MATK: variants seen among roughly 807,000 people sequenced by gnomAD.
MATK encodes the protein megakaryocyte-associated tyrosine-protein kinase.
A neutral mutation model predicts 59.8 loss-of-function variants in MATK; 41 were observed. The ratio of observed to expected loss-of-function variants is 0.69; its 90% CI spans 0.53 to 0.89. The LOEUF is 0.89. MATK is among the 40% of genes least tolerant of loss of function. MATK has a pLI of 0.00. For synonymous variants in MATK, 308 were observed against 306.1 expected (o/e 1.01, Z -0.06); for missense variants, 593 against 719.6 (o/e 0.82, Z 2.01).
At chr19:3,797,419 C>T (rs1386353305) in intron 1 of MATK, among the ~76,000 whole-genome samples, 1 of 151,662 alleles carries the variant, frequency 6.6e-6, no homozygotes, top group African/African-American at 2.4e-5. Context: ...GCCTCAGCCT[C>T]CCAAGTAGCT....
At chr19:3,800,213 A>G (rs2037630681) in intron 1 of MATK, among the ~76,000 whole-genome samples, 1 of 152,248 alleles carries the variant, frequency 6.6e-6, no homozygotes, top group African/African-American at 2.4e-5. Context: ...GAAGAATTAA[A>G]TTAGATAATA....
chr19:3,785,544 C>A, intron 1 of MATK: 1 of 288,000 alleles, frequency 3.5e-6, no homozygotes, highest in Non-Finnish European at 6.8e-6. Context: ...GTGGGCGGTG[C>A]TGGGGGGTGA....
chr19:3,779,434 A>G lies in MATK; in HGVS notation c.945T>C (p.Phe315=), dbSNP rs1182431217. ...CGAGGGCTCGACCCCGGGTCCGCAG[A>G]AAGTTCACCAGGTTGCCCTGTTGGG... ...EHVSKGNLVN[F]LRTRGRALVN... is the part of the protein sequence containing the mutation. The change falls in exon 11 of 14, where the codon TTT becomes TTC. Residue 315 remains phenylalanine (F), a synonymous_variant. Transcript: ENST00000310132. 6.2e-7 allele frequency: 1 copy of G among 1,613,132 alleles called. No individual in the cohort carries two copies. Among genetic ancestry groups the G allele is most frequent in the African/African-American group, 1.3e-5 (1 of 74,944 alleles).
intron 1 of MATK, among the ~76,000 whole-genome samples, chr19:3,792,244 G>A (rs979663502): frequency 9.9e-5 from 15 of 152,244 alleles, no homozygotes; most frequent in Admixed American, 9.2e-4. Flanking sequence ...CTTCTCTAAG[G>A]CAGGGCACGA....
At chr19:3,784,634 A>C in intron 3 of MATK, 183 bp from the exon 4 acceptor site, 1 of 660,234 alleles carries the variant, frequency 1.5e-6, no homozygotes, top group Non-Finnish European at 2.7e-6. Flanking sequence ...TCAGAGAGAA[A>C]TCGTAGAGTC....
chr19:3,793,904 C>T (rs566390099), intron 1 of MATK, among the ~76,000 whole-genome samples: 2 of 152,000 alleles, frequency 1.3e-5, no homozygotes, highest in Non-Finnish European at 2.9e-5. Flanking sequence ...AAAAGCTTCC[C>T]ATGGTTCCCA....
upstream of MATK, among the ~76,000 whole-genome samples, chr19:3,790,426 C>T (rs976792664): frequency 1.3e-5 from 2 of 152,220 alleles, no homozygotes; most frequent in Non-Finnish European, 2.9e-5. Context: ...TTCTGGCGTC[C>T]TGGCTGCCTC....
At chr19:3,799,591 G>A (rs2037624964) in intron 1 of MATK, among the ~76,000 whole-genome samples, 2 of 152,202 alleles carry the variant, frequency 1.3e-5, no homozygotes, top group Non-Finnish European at 2.9e-5. Context: ...TGTAATCCCA[G>A]CACTTTGGGA....
chr19:3,782,817 C>T (rs1198969047), intron 7 of MATK: 10 of 422,712 alleles, frequency 2.4e-5, no homozygotes, highest in East Asian at 4.6e-5. Context: ...AGAAGATTCA[C>T]CAGGTCTTGG....
At chr19:3,781,738 T>C in intron 7 of MATK, 66 bp from the exon 8 acceptor site, 1 of 1,279,192 alleles carries the variant, frequency 7.8e-7, no homozygotes, top group Non-Finnish European at 1.1e-6. Context: ...GGGGTTCTAC[T>C]TGGTGAGAGA....
chr19:3,794,522 G>A (rs545046423), intron 1 of MATK, among the ~76,000 whole-genome samples: 7 of 152,242 alleles, frequency 4.6e-5, no homozygotes, highest in Non-Finnish European at 8.8e-5. Flanking sequence ...GGGTGTGGTG[G>A]TGTATGCCTG....
upstream of MATK, among the ~76,000 whole-genome samples, chr19:3,788,971 G>C (rs545135681): frequency 3.9e-5 from 6 of 152,286 alleles, 1 homozygote; most frequent in South Asian, 1.2e-3. Context: ...GATTATAGGC[G>C]TGAGCCACGG....
Position 3,778,500 on chromosome 19 carries a change from C to G in MATK, c.1284+9G>C, listed in dbSNP as rs764373112. Reference sequence around the variant, plus strand: ...CGGAACCCAGTGCCTCCCTGGGACCCCCGCTCACCATTTTAGGGTACGGAG... The same window carrying G: ...CGGAACCCAGTGCCTCCCTGGGACCGCCGCTCACCATTTTAGGGTACGGAG... On this transcript the variant is annotated intron_variant, in intron 13 of 13. Coordinates refer to ENST00000310132, the MANE Select transcript of MATK (RefSeq NM_139355.3). 1 of 1,613,878 alleles carries G rather than the reference C, an allele frequency of 6.2e-7. No homozygotes were observed. Among genetic ancestry groups the G allele is most frequent in the Non-Finnish European group, 8.5e-7 (1 of 1,179,962 alleles).
intron 3 of MATK, 119 bp downstream of exon 3, chr19:3,784,706 C>T (rs1398990746): frequency 2.5e-5 from 19 of 763,062 alleles, no homozygotes; most frequent in Middle Eastern, 2.3e-4. Flanking sequence ...AAGGCCAGGC[C>T]GAGGCCAGCA....
In MATK at chr19:3,781,455, AG is replaced by A. The variant is rs35238411; in HGVS notation, c.742+151del. The stretch of plus-strand genomic sequence containing the variant: ...CAGCTGCCATTACCCCCTGTTCCAG[AG>A]GGGGAAACTGAGGCTCAGAGGATTT... On this transcript the variant is annotated intron_variant, in intron 8 of 13. Coordinates refer to ENST00000310132, the MANE Select transcript of MATK (RefSeq NM_139355.3). 4.6e-5 allele frequency: 36 copies of A among 775,098 alleles called. No homozygotes were observed. In the South Asian group the frequency reaches 4.7e-4, roughly 10 times the overall value. The allele number at this position is 775,098 out of a possible 1,614,324, so 48.0% of individuals were successfully genotyped here.
At chr19:3,797,663 G>A (rs2037608398) in intron 1 of MATK, among the ~76,000 whole-genome samples, 1 of 152,180 alleles carries the variant, frequency 6.6e-6, no homozygotes, top group Non-Finnish European at 1.5e-5. Context: ...TTGGCTGTGT[G>A]TGGTGGCTCA....
upstream of MATK, among the ~76,000 whole-genome samples, chr19:3,788,954 G>A (rs1383544414): frequency 6.6e-6 from 1 of 152,174 alleles, no homozygotes; most frequent in East Asian, 1.9e-4. Context: ...GCCTCCCAAA[G>A]TGCTGGGATT....
intron 8 of MATK, 61 bp from the exon 9 acceptor site, chr19:3,779,858 G>C: frequency 1.0e-6 from 1 of 1,000,860 alleles, no homozygotes; most frequent in Non-Finnish European, 1.6e-6. Flanking sequence ...GGGACAGAGA[G>C]ACAGACGGAC....
intron 1 of MATK, among the ~76,000 whole-genome samples, chr19:3,795,062 C>T (rs1213441399): frequency 6.9e-6 from 1 of 145,518 alleles, no homozygotes; most frequent in Non-Finnish European, 1.5e-5. Context: ...ACTGCACGCT[C>T]CACCTCCCAG....
Sources: gnomAD v4.1 joint callset for allele counts (sites outside exome capture counted in the v4.1 genomes callset) on GRCh38, gnomAD v4.1.1 for gene constraint, MANE v1.5 for transcripts, NCBI Gene and HGNC (gene_info 2026-07-23, HGNC 2026-07-21) for gene names.